Variants in WDR72 observed in about 807,000 individuals in gnomAD.
WDR72 encodes the protein WD repeat domain 72, also known as WD repeat-containing protein 72.
A neutral mutation model predicts 124.2 loss-of-function variants in WDR72; 120 were observed. That is an observed-to-expected ratio of 0.97 (90% CI 0.83 to 1.12). The LOEUF (loss-of-function observed/expected upper bound fraction) is 1.12, where lower values mean the gene tolerates loss of function less well. Ranked by LOEUF, WDR72 falls within the 50% of genes most tolerant of loss-of-function variation. The pLI is 0.00. For synonymous variants in WDR72, 452 were observed against 441.7 expected (o/e 1.02, Z -0.29); for missense variants, 1,387 against 1,278.8 (o/e 1.08, Z -1.29).
chr15:53,716,827 G>A lies in WDR72; in HGVS notation c.261-142C>T, dbSNP rs928013427. 1.3e-5 allele frequency: 9 copies of A among 694,224 alleles called. No individual in the cohort carries two copies. The African/African-American group carries it at 1.4e-4, about 11-fold the overall frequency. The allele number at this position is 694,224 out of a possible 1,614,324, so 43.0% of individuals were successfully genotyped here. ...AGATTTTGGGCAAGAAAATGTTGTG[G>A]TCATTAGCAGGGATGACATACTGTA... On this transcript the variant is annotated intron_variant, in intron 3 of 19. Transcript: ENST00000360509.
intron 3 of WDR72, among the ~76,000 whole-genome samples, chr15:53,722,132 C>G (rs1468923943): frequency 3.9e-5 from 6 of 152,010 alleles, no homozygotes; most frequent in Admixed American, 3.9e-4. Context: ...CTCCTGGGTT[C>G]AAGTAATTCT....
chr15:53,682,660 G>A (rs1280883586), intron 13 of WDR72, among the ~76,000 whole-genome samples: 1 of 152,046 alleles, frequency 6.6e-6, no homozygotes, highest in Non-Finnish European at 1.5e-5. Context: ...TATCTCTAGG[G>A]CAGGGGCAAA....
chr15:53,686,422 T>C (rs1452906009), intron 13 of WDR72, among the ~76,000 whole-genome samples: 4 of 149,470 alleles, frequency 2.7e-5, no homozygotes, highest in Non-Finnish European at 6.0e-5. Context: ...TAGTCTCTGA[T>C]AAAACAGACT....
At chr15:53,551,885 C>G (rs1893743668) in intron 18 of WDR72, among the ~76,000 whole-genome samples, 1 of 151,940 alleles carries the variant, frequency 6.6e-6, no homozygotes. Flanking sequence ...CAAACACACG[C>G]ACATGTACAT....
intron 1 of WDR72, among the ~76,000 whole-genome samples, chr15:53,741,731 A>ATTTTT (rs145376508): frequency 6.9e-6 from 1 of 145,696 alleles, no homozygotes; most frequent in Non-Finnish European, 1.5e-5. Flanking sequence ...TGTGATCCAG[A>ATTTTT]TTTTTTTTTT....
At chr15:53,736,998 A>ACAC (rs2018374061) in intron 1 of WDR72, among the ~76,000 whole-genome samples, 1 of 141,154 alleles carries the variant, frequency 7.1e-6, no homozygotes, top group East Asian at 2.2e-4. Flanking sequence ...GTAGATGTAA[A>ACAC]ACACACACAC....
intron 13 of WDR72, among the ~76,000 whole-genome samples, chr15:53,684,948 C>T (rs1206963701): frequency 1.3e-5 from 2 of 152,176 alleles, no homozygotes; most frequent in South Asian, 2.1e-4. Flanking sequence ...CTAGCAGGGG[C>T]ACACTGACAC....
chr15:53,594,572 C>T (rs938808114), intron 18 of WDR72, among the ~76,000 whole-genome samples: 1 of 150,256 alleles, frequency 6.7e-6, no homozygotes, highest in African/African-American at 2.5e-5. Context: ...TCTAAAAATT[C>T]TATCAACCAG....
intron 17 of WDR72, among the ~76,000 whole-genome samples, chr15:53,607,212 A>T (rs1430847735): frequency 6.6e-6 from 1 of 152,114 alleles, no homozygotes. Context: ...ACATTGAAGA[A>T]CCAGTCCTCT....
intron 14 of WDR72, among the ~76,000 whole-genome samples, chr15:53,618,843 C>T (rs181660338): frequency 5.3e-4 from 80 of 152,104 alleles, no homozygotes; most frequent in African/African-American, 1.9e-3. Flanking sequence ...TTTCTCTTAC[C>T]ATCCCATTAT....
intron 14 of WDR72, among the ~76,000 whole-genome samples, chr15:53,659,713 A>C (rs1485767167): frequency 6.6e-6 from 1 of 151,668 alleles, no homozygotes; most frequent in Non-Finnish European, 1.5e-5. Context: ...AAAAAAAAAA[A>C]AGGATTAGAT....
chr15:53,697,610 C>G (rs1177976627), intron 13 of WDR72, among the ~76,000 whole-genome samples: 1 of 152,166 alleles, frequency 6.6e-6, no homozygotes, highest in East Asian at 1.9e-4. Flanking sequence ...CATTCCTTGT[C>G]TGGTCCCTAA....
chr15:53,619,625 G>C (rs1216142199), intron 14 of WDR72, among the ~76,000 whole-genome samples: 1 of 151,952 alleles, frequency 6.6e-6, no homozygotes, highest in Non-Finnish European at 1.5e-5. Flanking sequence ...AGAGGACAAT[G>C]AGCTTATGCT....
chr15:53,711,133 T>C (rs890618251), intron 8 of WDR72, among the ~76,000 whole-genome samples, 180 bp from the exon 9 acceptor site: 1 of 152,204 alleles, frequency 6.6e-6, no homozygotes, highest in African/African-American at 2.4e-5. Context: ...GTACAAGTTA[T>C]ACATGGTTAA....
upstream of WDR72, chr15:53,762,754 C>CT (rs1285278296): frequency 2.0e-5 from 3 of 152,214 alleles, no homozygotes; most frequent in East Asian, 5.8e-4. Flanking sequence ...GCTTAGTGGT[C>CT]TTAGAGACCC....
chr15:53,661,094 G>A (rs745549601), intron 14 of WDR72, among the ~76,000 whole-genome samples: 12 of 152,134 alleles, frequency 7.9e-5, no homozygotes, highest in South Asian at 4.1e-4. Flanking sequence ...GTCTATGGTC[G>A]CTTCTGTGCT....
chr15:53,754,084 A>T (rs1481388638), intron 1 of WDR72, among the ~76,000 whole-genome samples: 1 of 152,162 alleles, frequency 6.6e-6, no homozygotes, highest in African/African-American at 2.4e-5. Flanking sequence ...AAAACAAAAC[A>T]AAACAAACAC....
intron 3 of WDR72, among the ~76,000 whole-genome samples, chr15:53,720,846 C>T (rs969044612): frequency 6.6e-6 from 1 of 151,962 alleles, no homozygotes; most frequent in African/African-American, 2.4e-5. Flanking sequence ...AGGATGTATG[C>T]CTACAAATAA....
At chr15:53,666,088 T>C (rs1033906799) in intron 13 of WDR72, among the ~76,000 whole-genome samples, 3 of 152,204 alleles carry the variant, frequency 2.0e-5, no homozygotes, top group African/African-American at 4.8e-5. Flanking sequence ...CACATAACTA[T>C]GGAATATTTT....
Sources: gnomAD v4.1 joint callset for allele counts (sites outside exome capture counted in the v4.1 genomes callset) on GRCh38, gnomAD v4.1.1 for gene constraint, MANE v1.5 for transcripts, NCBI Gene and HGNC (gene_info 2026-07-23, HGNC 2026-07-21) for gene names.